The following GABRB1 variants were observed in gnomAD, a reference collection of about 807,000 sequenced individuals.
GABRB1 encodes the protein gamma-aminobutyric acid type A receptor subunit beta1, also known as gamma-aminobutyric acid receptor subunit beta-1.
A neutral mutation model predicts 51.6 loss-of-function variants in GABRB1; 17 were observed. The ratio of observed to expected loss-of-function variants is 0.33; its 90% CI spans 0.23 to 0.49. The LOEUF (loss-of-function observed/expected upper bound fraction) is 0.49. GABRB1 is among the 20% of genes least tolerant of loss of function. The pLI, the probability that GABRB1 is intolerant of heterozygous loss-of-function variation, is 0.99. For missense variants in GABRB1, 410 were observed against 600.6 expected, an observed-to-expected ratio of 0.68 and a Z score of 3.32; for synonymous variants, 247 against 218.9, an observed-to-expected ratio of 1.13 and a Z score of -1.14.
intron 3 of GABRB1, among the ~76,000 whole-genome samples, chr4:47,046,806 G>T (rs1726110159): frequency 6.6e-6 from 1 of 152,100 alleles, no homozygotes; most frequent in Non-Finnish European, 1.5e-5. Flanking sequence ...GGAATACTAT[G>T]CAGCCTTAAA....
At chr4:47,047,039 G>T (rs555708320) in intron 3 of GABRB1, among the ~76,000 whole-genome samples, 14 of 151,892 alleles carry the variant, frequency 9.2e-5, no homozygotes, top group Non-Finnish European at 2.1e-4. Context: ...CAACTAATGG[G>T]TACTAGGCTT....
intron 5 of GABRB1, among the ~76,000 whole-genome samples, chr4:47,366,314 G>A (rs990002687): frequency 6.6e-6 from 1 of 152,176 alleles, no homozygotes; most frequent in East Asian, 1.9e-4. Flanking sequence ...TCTCACTCAG[G>A]TAGCAGAGTG....
chr4:47,253,201 A>G (rs1035546535), intron 4 of GABRB1, among the ~76,000 whole-genome samples: 1 of 152,242 alleles, frequency 6.6e-6, no homozygotes. Flanking sequence ...GAGATAATGC[A>G]AGAAGACTGA....
intron 3 of GABRB1, among the ~76,000 whole-genome samples, chr4:47,099,481 G>A (rs1714628414): frequency 6.6e-6 from 1 of 152,042 alleles, no homozygotes; most frequent in Admixed American, 6.6e-5. Context: ...AAATATATCT[G>A]CCTAATGGAG....
chr4:47,344,800 C>G (rs1726030077), intron 5 of GABRB1, among the ~76,000 whole-genome samples: 1 of 152,058 alleles, frequency 6.6e-6, no homozygotes, highest in Non-Finnish European at 1.5e-5. Context: ...TCAGCTCACT[C>G]TAACCCCTGC....
At chr4:47,131,434 C>T (rs184004538) in intron 3 of GABRB1, among the ~76,000 whole-genome samples, 56 of 152,178 alleles carry the variant, frequency 3.7e-4, no homozygotes, top group Middle Eastern at 3.4e-3. Context: ...CTGGGATTAC[C>T]GGTGTGAGCC....
intron 4 of GABRB1, among the ~76,000 whole-genome samples, chr4:47,269,956 A>C (rs1247480791): frequency 1.3e-5 from 2 of 151,642 alleles, no homozygotes; most frequent in Non-Finnish European, 2.9e-5. Flanking sequence ...ACACACACAC[A>C]CACACACACA....
At chr4:47,223,139 T>A (rs970589989) in intron 4 of GABRB1, among the ~76,000 whole-genome samples, 1 of 152,128 alleles carries the variant, frequency 6.6e-6, no homozygotes, top group Non-Finnish European at 1.5e-5. Context: ...TTGAATGTTT[T>A]TTCTTCTTTT....
chr4:47,297,809 A>G (rs1724065764), intron 4 of GABRB1, among the ~76,000 whole-genome samples: 1 of 152,234 alleles, frequency 6.6e-6, no homozygotes, highest in Admixed American at 6.5e-5. Context: ...CAACCAAAAA[A>G]GAGAATTTTA....
At chr4:47,153,400 A>C (rs1717549946) in intron 3 of GABRB1, among the ~76,000 whole-genome samples, 1 of 152,088 alleles carries the variant, frequency 6.6e-6, no homozygotes, top group African/African-American at 2.4e-5. Context: ...CTTGAATGTA[A>C]GCCATTTAGG....
chr4:47,332,486 A>G (rs1371270372), intron 5 of GABRB1, among the ~76,000 whole-genome samples: 1 of 152,200 alleles, frequency 6.6e-6, no homozygotes, highest in Non-Finnish European at 1.5e-5. Flanking sequence ...TGAAACAAGT[A>G]TATAATTTAG....
intron 5 of GABRB1, among the ~76,000 whole-genome samples, chr4:47,351,375 C>G (rs1174704933): frequency 2.0e-5 from 3 of 152,058 alleles, no homozygotes; most frequent in Admixed American, 2.0e-4. Flanking sequence ...ATTGTTCATT[C>G]CATTGTTTTT....
At chr4:47,209,922 C>T (rs1017161213) in intron 4 of GABRB1, among the ~76,000 whole-genome samples, 1 of 152,032 alleles carries the variant, frequency 6.6e-6, no homozygotes, top group African/African-American at 2.4e-5. Flanking sequence ...CCCTTCCCTC[C>T]TGGTTGTGTA....
At chr4:47,292,016 G>A (rs1412442190) in intron 4 of GABRB1, among the ~76,000 whole-genome samples, 1 of 152,196 alleles carries the variant, frequency 6.6e-6, no homozygotes, top group East Asian at 1.9e-4. Flanking sequence ...ATTTGGGAGA[G>A]GCCAGGGGTG....
intron 3 of GABRB1, among the ~76,000 whole-genome samples, chr4:47,147,842 A>G (rs1717241925): frequency 6.6e-6 from 1 of 152,134 alleles, no homozygotes; most frequent in South Asian, 2.1e-4. Context: ...AGTAAAAGAA[A>G]CAAGCAAGAA....
At chr4:47,113,783 C>T (rs1715343895) in intron 3 of GABRB1, among the ~76,000 whole-genome samples, 1 of 152,160 alleles carries the variant, frequency 6.6e-6, no homozygotes. Context: ...TTGGTTTCAC[C>T]AATAAATCCA....
intron 3 of GABRB1, among the ~76,000 whole-genome samples, chr4:47,128,554 A>T (rs985134621): frequency 1.3e-5 from 2 of 152,058 alleles, no homozygotes; most frequent in African/African-American, 4.8e-5. Context: ...CTCTATATGT[A>T]TAATTCCATT....
At chr4:47,248,501 A>C (rs1335683878) in intron 4 of GABRB1, among the ~76,000 whole-genome samples, 1 of 152,056 alleles carries the variant, frequency 6.6e-6, no homozygotes, top group Admixed American at 6.6e-5. Context: ...TTTTGGTATT[A>C]GGGTGATGCT....
upstream of GABRB1, among the ~76,000 whole-genome samples, chr4:47,027,671 A>G (rs1725144407): frequency 6.6e-6 from 1 of 151,662 alleles, no homozygotes; most frequent in African/African-American, 2.4e-5. Flanking sequence ...ATTTAATGCA[A>G]TATAAAAATA....
Sources: gnomAD v4.1 joint callset for allele counts (sites outside exome capture counted in the v4.1 genomes callset) on GRCh38, gnomAD v4.1.1 for gene constraint, MANE v1.5 for transcripts, NCBI Gene and HGNC (gene_info 2026-07-23, HGNC 2026-07-21) for gene names.